Variants in P2RY2 observed in about 807,000 individuals in gnomAD.
The protein encoded by P2RY2 is P2Y purinoceptor 2.
For missense variants in P2RY2, 567 were observed against 515.7 expected (o/e 1.10, Z -0.96); for synonymous variants, 241 against 231.9 (o/e 1.04, Z -0.35).
In P2RY2 at chr11:73,240,258, C is replaced by T. The variant is rs1211034436; in HGVS notation, c.*4965C>T. 6.6e-6 allele frequency: 1 copy of T among 152,508 alleles called. No individual in the cohort carries two copies. Among genetic ancestry groups the T allele is most frequent in the Non-Finnish European group, 1.5e-5 (1 of 68,316 alleles). The allele number at this position is 152,508 out of a possible 1,614,324, so 9.4% of individuals were successfully genotyped here. A position where few individuals can be genotyped will look rare whatever the true frequency, so the allele number is the denominator to read the frequency against. ...TGTCCCTGGGGGCTCCACCCACGGC[C>T]CTGGACTATTTTCAGCCCTTGCAGA... On this transcript the variant is annotated 3_prime_UTR_variant, in exon 3 of 3. Transcript: ENST00000393597.
intron 2 of P2RY2, among the ~76,000 whole-genome samples, chr11:73,229,072 A>G (rs778444043): frequency 4.2e-4 from 64 of 152,236 alleles, no homozygotes; most frequent in Non-Finnish European, 1.0e-4. Flanking sequence ...GCTGGATGAT[A>G]GGGACAGAGA....
In P2RY2 at chr11:73,235,060, C is replaced by G; in HGVS notation, c.901C>G (p.Leu301Val). The G allele has an allele frequency of 2.5e-6, 4 of 1,608,326 alleles. No individual in the cohort carries two copies. Among genetic ancestry groups the G allele is most frequent in the Non-Finnish European group, 3.4e-6 (4 of 1,179,872 alleles). The change falls in exon 3 of 3, where the codon CTT (leucine) becomes GTT (valine). Residue 301 changes from leucine (L) to valine (V), a missense_variant. Transcript: ENST00000393597. ...TRPLASANSC[L>V]DPVLYFLAGQ... Reference sequence around the variant, plus strand: ...GCCGCTGGCCAGTGCTAACAGTTGCCTTGACCCCGTGCTCTACTTCCTGGC... The same window carrying G: ...GCCGCTGGCCAGTGCTAACAGTTGCGTTGACCCCGTGCTCTACTTCCTGGC...
At chr11:73,232,192 C>T (rs953929588) in intron 2 of P2RY2, among the ~76,000 whole-genome samples, 1 of 152,218 alleles carries the variant, frequency 6.6e-6, no homozygotes, top group East Asian at 1.9e-4. Context: ...AGCCCTTCTG[C>T]AGCCTCTGCT....
rs1862626968 is a variant in P2RY2, at chr11:73,235,506, T to C, written c.*213T>C. ...CTAGTCATCGTTTGTGTGTATAAGT[T>C]GGGGGAATTAAGTTTCAAGAAAGGC... On this transcript the variant is annotated 3_prime_UTR_variant, in exon 3 of 3. Transcript: ENST00000393597. 1 of 1,291,740 alleles carries C rather than the reference T, an allele frequency of 7.7e-7. No individual in the cohort carries two copies. The highest frequency in any genetic ancestry group is 9.8e-7 in the Non-Finnish European group (1 of 1,015,472). The allele number at this position is 1,291,740 out of a possible 1,614,324, so 80.0% of individuals were successfully genotyped here.
At position 73,235,972 on chromosome 11, in the gene P2RY2, G is replaced by T. The variant is rs924002781; in HGVS notation, c.*679G>T. On this transcript the variant is annotated 3_prime_UTR_variant, in exon 3 of 3. Transcript: ENST00000393597. ...TGTGTGGTCGGGGGATGAGGATATG[G>T]CAGGGAAGCTTTCACCAGCCACACA... 2 of 1,000,228 alleles carry T rather than the reference G, an allele frequency of 2.0e-6. No individual in the cohort carries two copies. Among genetic ancestry groups the T allele is most frequent in the African/African-American group, 1.7e-5 (1 of 57,240 alleles). The allele number at this position is 1,000,228 out of a possible 1,614,324, so 62.0% of individuals were successfully genotyped here.
At position 73,236,579 on chromosome 11, in the gene P2RY2, G is replaced by A. The variant is rs1467632160; in HGVS notation, c.*1286G>A. On this transcript the variant is annotated 3_prime_UTR_variant, in exon 3 of 3. Transcript: ENST00000393597. Reference sequence around the variant, plus strand: ...TGGGGCAAGAGGGCAGGGTGTGCATGAGCCATAAGCAGGCTGGACAGCTGA... The same window carrying A: ...TGGGGCAAGAGGGCAGGGTGTGCATAAGCCATAAGCAGGCTGGACAGCTGA... 5 of 985,294 alleles carry A rather than the reference G, an allele frequency of 5.1e-6. No homozygotes were observed. In the African/African-American group the frequency reaches 7.0e-5, roughly 14 times the overall value. The allele number at this position is 985,294 out of a possible 1,614,324, so 61.0% of individuals were successfully genotyped here.
At position 73,222,598 on chromosome 11, in the gene P2RY2, C is replaced by G. The variant is rs186093836; in HGVS notation, c.-200+4166C>G. Among the ~76,000 whole-genome samples, 111 of 152,248 alleles carry G rather than the reference C, an allele frequency of 7.3e-4. 1 individual carries two copies. Among genetic ancestry groups the G allele is most frequent in the South Asian group, 3.1e-3 (15 of 4,820 alleles). Reference sequence around the variant, plus strand: ...ATGCCACCTCACCCTCCACAGTAGCCGTATAAGACCTCCCAGCCTTTTTCC... The same window carrying G: ...ATGCCACCTCACCCTCCACAGTAGCGGTATAAGACCTCCCAGCCTTTTTCC... On this transcript the variant is annotated intron_variant, in intron 1 of 2. Transcript: ENST00000393597.
chr11:73,232,036 G>A (rs1309264983), intron 2 of P2RY2, among the ~76,000 whole-genome samples: 1 of 152,088 alleles, frequency 6.6e-6, no homozygotes, highest in Non-Finnish European at 1.5e-5. Flanking sequence ...GGCAACAGAG[G>A]TGGACTCCGT....
intron 1 of P2RY2, among the ~76,000 whole-genome samples, chr11:73,223,837 G>T (rs1009918850): frequency 6.6e-6 from 1 of 152,198 alleles, no homozygotes; most frequent in Non-Finnish European, 1.5e-5. Flanking sequence ...TATGTTGGGG[G>T]TGAGGTGGTC....
chr11:73,226,046 G>A (rs1366767075), intron 1 of P2RY2, among the ~76,000 whole-genome samples: 1 of 152,238 alleles, frequency 6.6e-6, no homozygotes, highest in African/African-American at 2.4e-5. Context: ...GAGGCACGGA[G>A]GCCAGTGAGG....
At position 73,234,681 on chromosome 11, in the gene P2RY2, C is replaced by G. The variant is rs764725928; in HGVS notation, c.522C>G (p.Thr174=). ...CQAPVLYFVT[T]SARGGRVTCH... ...CCCCCGTGCTCTACTTTGTCACCAC[C>G]AGCGCGCGCGGGGGCCGCGTAACCT... Residue 174 remains threonine (T), a synonymous_variant, in exon 3 of 3, where the codon ACC becomes ACG. Transcript: ENST00000393597. The G allele has an allele frequency of 6.3e-7, 1 of 1,598,684 alleles. No homozygotes were observed. The highest frequency in any genetic ancestry group is 8.5e-7 in the Non-Finnish European group (1 of 1,173,310).
rs1199529685 is a variant in P2RY2 at position 73,241,842 on chromosome 11, T to G, written c.*6549T>G. 1 of 152,294 alleles carries G rather than the reference T, an allele frequency of 6.6e-6. No homozygotes were observed. Among genetic ancestry groups the G allele is most frequent in the African/African-American group, 2.4e-5 (1 of 41,432 alleles). 9.4% of individuals were successfully genotyped at this position (152,294 alleles called of 1,614,324 possible). ...AACTCTCCAAACATCAGTCCACACC[T>G]TTGTAAAAACAGTCTCTCCGCTAAG... On this transcript the variant is annotated 3_prime_UTR_variant, in exon 3 of 3. Coordinates refer to ENST00000393597, the MANE Select transcript of P2RY2 (RefSeq NM_002564.4).
Position 73,235,500 on chromosome 11 carries a change from A to T in P2RY2, c.*207A>T. ...TAACCCCTAGTCATCGTTTGTGTGT[A>T]TAAGTTGGGGGAATTAAGTTTCAAG... On this transcript the variant is annotated 3_prime_UTR_variant, in exon 3 of 3. Transcript: ENST00000393597. The T allele has an allele frequency of 7.7e-7, 1 of 1,305,070 alleles. No individual in the cohort carries two copies. The highest frequency in any genetic ancestry group is 9.8e-7 in the Non-Finnish European group (1 of 1,023,226). The allele number at this position is 1,305,070 out of a possible 1,614,324, so 80.8% of individuals were successfully genotyped here.
intron 2 of P2RY2, among the ~76,000 whole-genome samples, chr11:73,231,596 T>G (rs552138599): frequency 6.7e-6 from 1 of 149,528 alleles, no homozygotes; most frequent in African/African-American, 2.5e-5. Context: ...AGAAGGGAAA[T>G]TGAAGGATCT....
In P2RY2 at chr11:73,238,834, G is replaced by A. The variant is rs1011431345; in HGVS notation, c.*3541G>A. On this transcript the variant is annotated 3_prime_UTR_variant, in exon 3 of 3. Transcript: ENST00000393597. ...CACTCACAGCCCTGCAGGGCAGAAG[G>A]GTCTATAAGTGGCCCCTCGCATGAT... is the stretch of plus-strand genomic sequence containing the variant. The A allele has an allele frequency of 1.3e-5, 2 of 152,208 alleles. No individual in the cohort carries two copies. Among genetic ancestry groups the A allele is most frequent in the Non-Finnish European group, 2.9e-5 (2 of 68,060 alleles). The allele number at this position is 152,208 out of a possible 1,614,324, so 9.4% of individuals were successfully genotyped here. A position where few individuals can be genotyped will look rare whatever the true frequency, so the allele number is the denominator to read the frequency against.
intron 1 of P2RY2, among the ~76,000 whole-genome samples, chr11:73,222,580 C>G: frequency 6.6e-6 from 1 of 152,146 alleles, no homozygotes; most frequent in East Asian, 1.9e-4. Context: ...TCCATGCCAC[C>G]TCACCCTCCA....
intron 2 of P2RY2, among the ~76,000 whole-genome samples, chr11:73,233,054 G>T (rs1862505514): frequency 6.6e-6 from 1 of 152,050 alleles, no homozygotes; most frequent in Non-Finnish European, 1.5e-5. Context: ...GGACAAGGTT[G>T]GGGGGGACAC....
At chr11:73,227,434 T>G (rs528653150) in intron 1 of P2RY2, among the ~76,000 whole-genome samples, 1 of 152,272 alleles carries the variant, frequency 6.6e-6, no homozygotes, top group East Asian at 1.9e-4. Flanking sequence ...TCCGTGTGTC[T>G]TGGTGTGTCT....
chr11:73,221,839 C>T (rs537205336), intron 1 of P2RY2, among the ~76,000 whole-genome samples: 2 of 152,178 alleles, frequency 1.3e-5, no homozygotes, highest in African/African-American at 4.8e-5. Flanking sequence ...CTCTCTGTCC[C>T]CATCAGCCAC....
Sources: allele counts gnomAD v4.1 joint callset (sites outside exome capture counted in the v4.1 genomes callset), GRCh38; gene constraint gnomAD v4.1.1; transcripts MANE v1.5; gene names NCBI Gene and HGNC (gene_info 2026-07-23, HGNC 2026-07-21).